Variants in TNRC18 observed in about 807,000 individuals in gnomAD.
The protein encoded by TNRC18 is trinucleotide repeat-containing gene 18 protein.
Under a neutral mutation model 226.7 loss-of-function variants are expected in TNRC18, and 69 were observed. The ratio of observed to expected loss-of-function variants is 0.30; its 90% confidence interval spans 0.25 to 0.37. TNRC18 has a LOEUF of 0.37. Ranked by LOEUF, TNRC18 falls within the 10% of genes least tolerant of loss-of-function variation. TNRC18 has a pLI of 1.00. For synonymous variants in TNRC18, 2,449 were observed against 1,927.6 expected (o/e 1.27, Z -7.09); for missense variants, 4,754 against 4,256.6 (o/e 1.12, Z -3.25).
At chr7:5,389,461 G>GTTGTTTTGTTTTTTTTTTGTTTTT (rs1554297480) in intron 4 of TNRC18, 125 bp from the exon 5 acceptor site, 1 of 519,650 alleles carries the variant, frequency 1.9e-6, no homozygotes, top group Non-Finnish European at 2.5e-6. Flanking sequence ...TTTGGTTTTG[G>GTTGTTTTGTTTTTTTTTTGTTTTT]TTTTTTTTTT....
chr7:5,337,532 G>A (rs982910121), intron 18 of TNRC18, among the ~76,000 whole-genome samples: 3 of 150,176 alleles, frequency 2.0e-5, no homozygotes, highest in African/African-American at 7.3e-5. Context: ...GCTCTACAAG[G>A]CAAAACTGCT....
At chr7:5,375,659 G>A (rs570077049) in intron 9 of TNRC18, among the ~76,000 whole-genome samples, 1 of 152,262 alleles carries the variant, frequency 6.6e-6, no homozygotes, top group Non-Finnish European at 1.5e-5. Flanking sequence ...GCCTCTCCGA[G>A]AGGCCACCTG....
At chr7:5,383,888 G>T (rs1779570078) in intron 5 of TNRC18, among the ~76,000 whole-genome samples, 1 of 150,986 alleles carries the variant, frequency 6.6e-6, no homozygotes, top group Non-Finnish European at 1.5e-5. Context: ...GACCTCCTGG[G>T]CTCAAACTAT....
Position 5,324,670 on chromosome 7 carries a change from G to A in TNRC18, c.6301-315C>T, listed in dbSNP as rs186455924. Among the ~76,000 whole-genome samples the A allele has an allele frequency of 6.6e-6, 1 of 152,230 alleles. No individual in the cohort carries two copies. The highest frequency in any genetic ancestry group is 6.5e-5 in the Admixed American group (1 of 15,278). Reference sequence around the variant, plus strand: ...CAGGTGCCTCCGTTCCCTTCTTAGAGAAACTTCAGCAGCATCTCCAGCATT... The same window carrying A: ...CAGGTGCCTCCGTTCCCTTCTTAGAAAAACTTCAGCAGCATCTCCAGCATT... On this transcript the variant is annotated intron_variant, in intron 20 of 29. Transcript: ENST00000430969. This position sits in a 1 kb window ranked among gnomAD's most constrained non-coding sequence, Gnocchi z 4.8.
Position 5,388,200 on chromosome 7 carries a change from C to T in TNRC18, c.1624G>A (p.Val542Ile). ...HSRAEEEAAV[V>I]AASSSKKAYL... ...GCCTTCTTGGAGGAGGAGGCAGCGA[C>T]CACGGCGGCCTCCTCTTCGGCGCGG... Residue 542 changes from valine to isoleucine, a missense_variant, in exon 5 of 30, where the codon GTC becomes ATC. Transcript: ENST00000430969. 6.3e-7 allele frequency: 1 copy of T among 1,593,982 alleles called. No individual in the cohort carries two copies. The highest frequency in any genetic ancestry group is 8.5e-7 in the Non-Finnish European group (1 of 1,171,804).
rs768227791 is a variant in TNRC18 at position 5,308,889 on chromosome 7, T to C, written c.8686A>G (p.Lys2896Glu). Residue 2896 changes from lysine (K) to glutamate (E), a missense_variant, in exon 29 of 30, where the codon AAG (lysine) becomes GAG (glutamate). Lys to Glu is a moderately conservative substitution (Grantham distance 56). Transcript: ENST00000430969. ...CCACCACCTACCTCCATGAAGTCCT[T>C]CCTCTGGCTGGAGACCCGCAGGGCC... ...PAALRVSSQR[K>E]DFMERALYQS... 189 of 1,391,860 alleles carry C rather than the reference T, an allele frequency of 1.4e-4. No homozygotes were observed. The highest frequency in any genetic ancestry group is 1.8e-4 in the Non-Finnish European group (185 of 1,042,020). The allele number at this position is 1,391,860 out of a possible 1,614,324, so 86.2% of individuals were successfully genotyped here.
In TNRC18 at chr7:5,313,717, C is replaced by G; in HGVS notation, c.7174G>C (p.Ala2392Pro). The part of the protein sequence containing the change: ...KRAKAPKARP[A>P]PPQPSPAPPA... The stretch of plus-strand genomic sequence containing the variant: ...GGTGCGGGACTGGGCTGCGGCGGTG[C>G]CGGGCGCGCCTTGGGGGCCTTGGCT... The change falls in exon 27 of 30, where the codon GCA becomes CCA. Residue 2392 changes from alanine to proline, a missense_variant. Ala to Pro is a conservative substitution (Grantham distance 27). Transcript: ENST00000430969. The G allele has an allele frequency of 6.3e-7, 1 of 1,583,706 alleles. No individual in the cohort carries two copies. The highest frequency in any genetic ancestry group is 8.6e-7 in the Non-Finnish European group (1 of 1,165,230).
At chr7:5,404,990 C>T (rs1331404490) in intron 2 of TNRC18, among the ~76,000 whole-genome samples, 12 of 151,876 alleles carry the variant, frequency 7.9e-5, no homozygotes, top group Admixed American at 2.0e-4. Flanking sequence ...TGGCTGCATG[C>T]GCCTGTAGTC....
In TNRC18 at chr7:5,315,850, G is replaced by A. The variant is rs1055692609; in HGVS notation, c.6862+106C>T. On this transcript the variant is annotated intron_variant, in intron 25 of 29. Coordinates refer to ENST00000430969, the MANE Select transcript of TNRC18 (RefSeq NM_001080495.3). ...ATGGCTTCTGCTGCTTCCATCACCT[G>A]TGGCTCCAAATGACTTCAGACAGAG... 4.0e-5 allele frequency: 32 copies of A among 790,330 alleles called. No individual in the cohort carries two copies. In the African/African-American group the frequency reaches 5.6e-4, roughly 14 times the overall value. The allele number at this position is 790,330 out of a possible 1,614,324, so 49.0% of individuals were successfully genotyped here.
At chr7:5,344,746 A>G (rs888173859) in intron 18 of TNRC18, among the ~76,000 whole-genome samples, 4 of 152,162 alleles carry the variant, frequency 2.6e-5, no homozygotes, top group African/African-American at 7.2e-5. Context: ...GCCTGAACAC[A>G]TGCATGACCA....
At position 5,356,793 on chromosome 7, in the gene TNRC18, CCA is replaced by C. The variant is rs936751313; in HGVS notation, c.5194+121_5194+122del. 92 of 1,365,472 alleles carry C rather than the reference CCA, an allele frequency of 6.7e-5. No homozygotes were observed. The African/African-American group carries it at 1.2e-3, about 18-fold the overall frequency. The allele number at this position is 1,365,472 out of a possible 1,614,324, so 84.6% of individuals were successfully genotyped here. A position where few individuals can be genotyped will look rare whatever the true frequency, so the allele number is the denominator to read the frequency against. On this transcript the variant is annotated intron_variant, in intron 16 of 29. Transcript: ENST00000430969. Reference sequence around the variant, plus strand: ...CCAAGCTCAGGCACTGTAGTGCGCCCCAGAGAGAGAGCGAGAGCGAGAGAGAG... The same window carrying C: ...CCAAGCTCAGGCACTGTAGTGCGCCCGAGAGAGAGCGAGAGCGAGAGAGAG...
rs555241460 is a variant in TNRC18 at position 5,420,986 on chromosome 7, G to A, written c.187+74C>T. On this transcript the variant is annotated intron_variant, in intron 2 of 29. Coordinates refer to ENST00000430969, the MANE Select transcript of TNRC18 (RefSeq NM_001080495.3). Reference sequence around the variant, plus strand: ...GAGAGTCGCCGAGCCCCGGCCGCGAGTGCACAGGAGGACCCGGCCGAGTGG... The same window carrying A: ...GAGAGTCGCCGAGCCCCGGCCGCGAATGCACAGGAGGACCCGGCCGAGTGG... The A allele has an allele frequency of 5.1e-5, 78 of 1,529,470 alleles. No individual in the cohort carries two copies. The South Asian group carries it at 8.8e-4, about 17-fold the overall frequency. 94.7% of individuals were successfully genotyped at this position (1,529,470 alleles called of 1,614,324 possible).
intron 18 of TNRC18, among the ~76,000 whole-genome samples, chr7:5,337,010 A>T (rs1790183374): frequency 1.3e-5 from 2 of 152,246 alleles, no homozygotes; most frequent in African/African-American, 2.4e-5. Flanking sequence ...TGACAAACAG[A>T]AACTTGCAGA....
intron 18 of TNRC18, among the ~76,000 whole-genome samples, chr7:5,333,276 A>G (rs1386821171): frequency 6.6e-6 from 1 of 152,216 alleles, no homozygotes; most frequent in Non-Finnish European, 1.5e-5. Context: ...CGCTGCTCCC[A>G]GCCCCTTGCC....
At chr7:5,313,976 T>G (rs997161079) in intron 26 of TNRC18, 113 bp from the exon 27 acceptor site, 22 of 1,202,370 alleles carry the variant, frequency 1.8e-5, no homozygotes, top group African/African-American at 1.3e-4. Context: ...TTTGTTTTTT[T>G]TTTGAGATGG....
At chr7:5,375,179 T>C (rs889356066) in intron 9 of TNRC18, among the ~76,000 whole-genome samples, 6 of 152,108 alleles carry the variant, frequency 3.9e-5, no homozygotes, top group African/African-American at 1.4e-4. Context: ...CATGACAGCA[T>C]GTGCCTGTAA....
In TNRC18 at chr7:5,370,552, C is replaced by G; in HGVS notation, c.4042G>C (p.Ala1348Pro). The change falls in exon 11 of 30, where the codon GCT becomes CCT. Residue 1348 changes from alanine (A) to proline (P), a missense_variant. By Grantham distance (27) the Ala-to-Pro change is conservative. Transcript: ENST00000430969. Reference sequence around the variant, plus strand: ...GGCCTGGCCTGGGGCAGCTCCGCAGCTGCCGCCAGGGCGTTCATGCCAGCC... The same window carrying G: ...GGCCTGGCCTGGGGCAGCTCCGCAGGTGCCGCCAGGGCGTTCATGCCAGCC... ...PLAGMNALAA[A>P]AELPQARPLP... The G allele has an allele frequency of 6.2e-7, 1 of 1,609,390 alleles. No homozygotes were observed. The highest frequency in any genetic ancestry group is 1.1e-5 in the South Asian group (1 of 90,244).
intron 18 of TNRC18, among the ~76,000 whole-genome samples, chr7:5,341,288 G>A (rs1473745849): frequency 9.9e-5 from 15 of 151,368 alleles, no homozygotes; most frequent in Non-Finnish European, 1.8e-4. Flanking sequence ...GCATGGTGGC[G>A]GGCACCTGTA....
At position 5,370,674 on chromosome 7, in the gene TNRC18, C is replaced by A. The variant is rs1251557942; in HGVS notation, c.3920G>T (p.Ser1307Ile). 6.2e-7 allele frequency: 1 copy of A among 1,612,594 alleles called. No individual in the cohort carries two copies. The highest frequency in any genetic ancestry group is 2.2e-5 in the East Asian group (1 of 44,858). ...DVPAGEGQCP[S>I]LEPQEAVPVL... ...AGGCACGGCCTCTTGGGGCTCCAGG[C>A]TCGGGCACTGTCCCTCCCCGGCGGG... Residue 1307 changes from serine (S) to isoleucine (I), a missense_variant, in exon 11 of 30, where the codon AGC becomes ATC. Transcript: ENST00000430969.
Sources: gnomAD v4.1 joint callset for allele counts (sites outside exome capture counted in the v4.1 genomes callset) on GRCh38, gnomAD v4.1.1 for gene constraint, Gnocchi (gnomAD v3.1) non-coding constraint, MANE v1.5 for transcripts, NCBI Gene and HGNC (gene_info 2026-07-23, HGNC 2026-07-21) for gene names.